The following ANK3 variants were observed in gnomAD, a reference collection of about 807,000 sequenced individuals.
The protein encoded by ANK3 is ankyrin 3.
ANK3 carries 57 observed loss-of-function variants against 370.9 expected under a neutral mutation model. That is an observed-to-expected ratio of 0.15 (90% CI 0.12 to 0.19). The LOEUF is 0.19. ANK3 is among the 10% of genes least tolerant of loss of function. The pLI, the probability that ANK3 is intolerant of heterozygous loss-of-function variation, is 1.00. For synonymous variants in ANK3, 1,929 were observed against 1,946.3 expected, an observed-to-expected ratio of 0.99 and a Z score of 0.23; for missense variants, 4,439 against 5,302.1, an observed-to-expected ratio of 0.84 and a Z score of 5.06.
intron 36 of ANK3, among the ~76,000 whole-genome samples, chr10:60,078,979 A>C (rs2084461335): frequency 6.6e-6 from 1 of 152,158 alleles, no homozygotes; most frequent in Non-Finnish European, 1.5e-5. Context: ...AGCAACCAGA[A>C]TCAGATGGAA....
intron 2 of ANK3, among the ~76,000 whole-genome samples, chr10:60,550,985 T>C (rs1193770227): frequency 6.6e-6 from 1 of 152,116 alleles, no homozygotes; most frequent in Admixed American, 6.5e-5. Context: ...AGTGTATCCT[T>C]ATCAAGGATT....
intron 2 of ANK3, among the ~76,000 whole-genome samples, chr10:60,506,828 A>G (rs914086519): frequency 2.6e-5 from 4 of 152,116 alleles, no homozygotes; most frequent in Non-Finnish European, 5.9e-5. Flanking sequence ...CCTCATCTTG[A>G]AAGTTCTTAC....
intron 8 of ANK3, among the ~76,000 whole-genome samples, chr10:60,214,978 A>G (rs1230081869): frequency 2.6e-5 from 4 of 152,170 alleles, no homozygotes; most frequent in Non-Finnish European, 4.4e-5. Context: ...ATTCCTACCA[A>G]CAGTGTAAAA....
chr10:60,145,933 C>T (rs2094799210), intron 23 of ANK3: 1 of 724,182 alleles, frequency 1.4e-6, no homozygotes. Flanking sequence ...AAAATGGGAA[C>T]TATATTTACT....
chr10:60,341,464 C>A (rs1439608215), intron 1 of ANK3, among the ~76,000 whole-genome samples: 1 of 152,026 alleles, frequency 6.6e-6, no homozygotes, highest in Admixed American at 6.6e-5. Flanking sequence ...AATTAGGGCT[C>A]ATAATTAATT....
chr10:60,339,802 G>C (rs534565340), intron 1 of ANK3, among the ~76,000 whole-genome samples: 1 of 152,312 alleles, frequency 6.6e-6, no homozygotes, highest in South Asian at 2.1e-4. Flanking sequence ...GGAGCGGCAA[G>C]AACAGCAGCA....
At position 60,073,286 on chromosome 10, in the gene ANK3, T is replaced by C; in HGVS notation, c.7595A>G (p.Lys2532Arg). Residue 2532 changes from lysine to arginine, a missense_variant, in exon 37 of 44, where the codon AAA (lysine) becomes AGA (arginine). Lys to Arg is a conservative substitution (Grantham distance 26). Coordinates refer to ENST00000280772, the MANE Select transcript of ANK3 (RefSeq NM_020987.5). ...TGTCACTTTATCAAAATGCTCATCTTTAGACACTTTACCTACACCATTTTC... is the reference window on the plus strand; with the variant it reads ...TGTCACTTTATCAAAATGCTCATCTCTAGACACTTTACCTACACCATTTTC... ...VSENGVGKVS[K>R]DEHFDKVTVL... The C allele has an allele frequency of 6.2e-7, 1 of 1,614,150 alleles. No homozygotes were observed. Among genetic ancestry groups the C allele is most frequent in the Non-Finnish European group, 8.5e-7 (1 of 1,180,026 alleles).
At chr10:60,587,018 T>C (rs1417761770) in intron 2 of ANK3, among the ~76,000 whole-genome samples, 1 of 152,186 alleles carries the variant, frequency 6.6e-6, no homozygotes, top group East Asian at 1.9e-4. Context: ...AAAGGAAAGA[T>C]GCTTAATTGA....
intron 16 of ANK3, among the ~76,000 whole-genome samples, chr10:60,193,636 CA>C (rs199524856): frequency 0.091 from 10,400 of 114,012 alleles, 398 homozygotes; most frequent in South Asian, 0.14. Context: ...GTCTGGGTGA[CA>C]AAAAAAAAAA....
intron 2 of ANK3, among the ~76,000 whole-genome samples, chr10:60,475,376 G>C (rs1226237355): frequency 1.3e-5 from 2 of 152,128 alleles, no homozygotes; most frequent in East Asian, 3.9e-4. Flanking sequence ...TCATAGACAA[G>C]TGTTGCATTT....
intron 1 of ANK3, among the ~76,000 whole-genome samples, chr10:60,326,197 T>C (rs1261685781): frequency 6.6e-6 from 1 of 152,156 alleles, no homozygotes; most frequent in East Asian, 1.9e-4. Context: ...AATACCTGGG[T>C]GATGAAATAA....
At position 60,084,952 on chromosome 10, in the gene ANK3, T is replaced by C. The variant is rs541106940; in HGVS notation, c.3846-122A>G. 7.5e-6 allele frequency: 6 copies of C among 797,686 alleles called. No homozygotes were observed. In the African/African-American group the frequency reaches 1.0e-4, roughly 14 times the overall value. The allele number at this position is 797,686 out of a possible 1,614,324, so 49.4% of individuals were successfully genotyped here. A position where few individuals can be genotyped will look rare whatever the true frequency, so the allele number is the denominator to read the frequency against. On this transcript the variant is annotated intron_variant, in intron 31 of 43. Transcript: ENST00000280772. Reference sequence around the variant, plus strand: ...ACTAACCCAAAACGTTATTAACTTGTTCATTTAAACAGCAAAGATGCTTTT... The same window carrying C: ...ACTAACCCAAAACGTTATTAACTTGCTCATTTAAACAGCAAAGATGCTTTT...
intron 1 of ANK3, among the ~76,000 whole-genome samples, chr10:60,334,891 G>A (rs2052408710): frequency 6.6e-6 from 1 of 152,034 alleles, no homozygotes; most frequent in African/African-American, 2.4e-5. Context: ...TGTGCCTACT[G>A]GGTGTTAACG....
intron 23 of ANK3, among the ~76,000 whole-genome samples, chr10:60,145,427 G>T: frequency 6.6e-6 from 1 of 152,074 alleles, no homozygotes; most frequent in Non-Finnish European, 1.5e-5. Flanking sequence ...GCAAAGAGAG[G>T]AAATGAAAAC....
chr10:60,177,316 G>A (rs1228629455), intron 18 of ANK3, among the ~76,000 whole-genome samples: 2 of 152,088 alleles, frequency 1.3e-5, no homozygotes, highest in African/African-American at 2.4e-5. Flanking sequence ...TGATGATTCC[G>A]AAATCTGCAT....
At chr10:60,695,832 A>G (rs1259590245) in intron 1 of ANK3, among the ~76,000 whole-genome samples, 1 of 152,152 alleles carries the variant, frequency 6.6e-6, no homozygotes, top group African/African-American at 2.4e-5. Context: ...TAACATCACA[A>G]TTAAAAGAAC....
intron 1 of ANK3, among the ~76,000 whole-genome samples, chr10:60,384,825 C>T (rs1440935710): frequency 1.3e-5 from 2 of 152,182 alleles, no homozygotes; most frequent in East Asian, 1.9e-4. Flanking sequence ...AGGAACTTGG[C>T]AGTTATCCTA....
intron 21 of ANK3, among the ~76,000 whole-genome samples, chr10:60,169,442 T>C (rs1310210552): frequency 6.7e-6 from 1 of 149,616 alleles, no homozygotes; most frequent in Non-Finnish European, 1.5e-5. Flanking sequence ...AAAAGTGCCA[T>C]TTCATCACAT....
chr10:60,513,551 T>C (rs1466422848), intron 2 of ANK3, among the ~76,000 whole-genome samples: 3 of 151,988 alleles, frequency 2.0e-5, no homozygotes, highest in African/African-American at 4.8e-5. Flanking sequence ...AATAGGTGGT[T>C]AGTGTGAGTA....
Sources: gnomAD v4.1 joint callset for allele counts (sites outside exome capture counted in the v4.1 genomes callset) on GRCh38, gnomAD v4.1.1 for gene constraint, MANE v1.5 for transcripts, NCBI Gene and HGNC (gene_info 2026-07-23, HGNC 2026-07-21) for gene names.